The following SPIRE1 variants were observed in gnomAD, a reference collection of about 807,000 sequenced individuals.
SPIRE1 encodes protein spire homolog 1.
Under a neutral mutation model 94.1 loss-of-function variants are expected in SPIRE1, and 40 were observed. The ratio of observed to expected loss-of-function variants is 0.43; its 90% CI spans 0.33 to 0.55. The LOEUF (loss-of-function observed/expected upper bound fraction) is 0.55, where lower values mean the gene tolerates loss of function less well. Ranked by LOEUF, SPIRE1 falls within the 20% of genes least tolerant of loss-of-function variation. The pLI is 0.06. For missense variants in SPIRE1, 838 were observed against 975.2 expected (o/e 0.86, Z 1.87); for synonymous variants, 376 against 371.7 (o/e 1.01, Z -0.13).
intron 1 of SPIRE1, 89 bp from the exon 2 acceptor site, chr18:12,635,185 T>C (rs951236755): frequency 2.9e-6 from 2 of 694,910 alleles, no homozygotes; most frequent in African/African-American, 1.8e-5. Context: ...TGGCTATGGC[T>C]TTATTATGTC....
chr18:12,551,968 T>C (rs747883689), intron 2 of SPIRE1, among the ~76,000 whole-genome samples: 23 of 152,246 alleles, frequency 1.5e-4, no homozygotes, highest in Non-Finnish European at 2.8e-4. Flanking sequence ...AGAATCTGTG[T>C]GCTTGGGAAA....
At chr18:12,540,255 C>A (rs1461057013) in intron 3 of SPIRE1, among the ~76,000 whole-genome samples, 1 of 152,198 alleles carries the variant, frequency 6.6e-6, no homozygotes, top group East Asian at 1.9e-4. Flanking sequence ...AGACTTGTTT[C>A]TTTAAAACAC....
intron 1 of SPIRE1, among the ~76,000 whole-genome samples, chr18:12,641,945 C>A (rs1439740204): frequency 6.6e-6 from 1 of 151,150 alleles, no homozygotes; most frequent in East Asian, 1.9e-4. Context: ...AATTCTCCTG[C>A]CTCAGCCTCC....
chr18:12,539,258 T>C (rs745965837), intron 3 of SPIRE1, among the ~76,000 whole-genome samples: 5 of 152,118 alleles, frequency 3.3e-5, no homozygotes, highest in Non-Finnish European at 7.3e-5. Context: ...GGGCAGGTCT[T>C]CCCCTTGCTG....
chr18:12,521,376 G>C (rs1339090387), intron 4 of SPIRE1, among the ~76,000 whole-genome samples: 1 of 149,858 alleles, frequency 6.7e-6, no homozygotes, highest in Non-Finnish European at 1.5e-5. Flanking sequence ...TCTGTCGCCT[G>C]GGTGGGGTGC....
intron 2 of SPIRE1, among the ~76,000 whole-genome samples, chr18:12,628,016 T>C (rs1178581591): frequency 6.6e-6 from 1 of 152,224 alleles, no homozygotes; most frequent in African/African-American, 2.4e-5. Context: ...CTGTTCACTC[T>C]GAGGGTAGCT....
At chr18:12,471,103 TAAAA>T (rs138606031) in intron 10 of SPIRE1, among the ~76,000 whole-genome samples, 3 of 96,956 alleles carry the variant, frequency 3.1e-5, no homozygotes, top group Admixed American at 1.2e-4. Flanking sequence ...CATCTTTCAG[TAAAA>T]AAAAAAAAAA....
intron 3 of SPIRE1, among the ~76,000 whole-genome samples, chr18:12,540,876 G>C (rs2034994426): frequency 6.6e-6 from 1 of 152,190 alleles, no homozygotes; most frequent in Non-Finnish European, 1.5e-5. Flanking sequence ...GTGCTGAGTT[G>C]CATGGTGAAA....
chr18:12,645,528 A>G (rs2038200450), intron 1 of SPIRE1, among the ~76,000 whole-genome samples: 1 of 151,968 alleles, frequency 6.6e-6, no homozygotes, highest in African/African-American at 2.4e-5. Flanking sequence ...AATCACTCTC[A>G]ATCTGATTCT....
At chr18:12,520,223 C>A (rs904471369) in intron 4 of SPIRE1, among the ~76,000 whole-genome samples, 1 of 152,058 alleles carries the variant, frequency 6.6e-6, no homozygotes, top group Non-Finnish European at 1.5e-5. Context: ...TACATAAAAT[C>A]TCTCTGCAAA....
chr18:12,611,193 C>A (rs934312999), intron 2 of SPIRE1, among the ~76,000 whole-genome samples: 3 of 152,232 alleles, frequency 2.0e-5, no homozygotes, highest in African/African-American at 7.2e-5. Flanking sequence ...ATTTCCTGCT[C>A]TCTGGGTTAT....
chr18:12,510,069 A>G (rs555952997), intron 5 of SPIRE1, among the ~76,000 whole-genome samples: 2 of 151,316 alleles, frequency 1.3e-5, no homozygotes, highest in East Asian at 1.9e-4. Flanking sequence ...TGGGCGACAG[A>G]GCAAGACTCC....
In SPIRE1 at chr18:12,466,424, G is replaced by C. The variant is rs893596299; in HGVS notation, c.1405-1466C>G. Among the ~76,000 whole-genome samples, 14 of 152,120 alleles carry C rather than the reference G, an allele frequency of 9.2e-5. No homozygotes were observed. In the East Asian group the frequency reaches 2.7e-3, roughly 30 times the overall value. ...CCTGAGTAACTGGGATTACAGGTGA[G>C]TGCCACCACGCCCGGCTAATTTTTG... On this transcript the variant is annotated intron_variant, in intron 10 of 16. Transcript: ENST00000409402.
At chr18:12,661,326 A>G (rs929359945), upstream of SPIRE1, 9 of 980,602 alleles carry the variant, frequency 9.2e-6, no homozygotes, top group African/African-American at 1.6e-4. Context: ...AAGAAAAAAA[A>G]TTGATAAGCC....
chr18:12,549,043 T>A (rs1264544212), intron 2 of SPIRE1, among the ~76,000 whole-genome samples: 4 of 152,152 alleles, frequency 2.6e-5, no homozygotes, highest in Non-Finnish European at 4.4e-5. Flanking sequence ...CAGGAGAAGG[T>A]ACCATTTCAG....
chr18:12,583,754 A>C (rs1341810038), intron 2 of SPIRE1, among the ~76,000 whole-genome samples: 1 of 151,870 alleles, frequency 6.6e-6, no homozygotes, highest in Non-Finnish European at 1.5e-5. Context: ...GCAAAATCCC[A>C]CCTCTACAAA....
At chr18:12,555,535 G>A (rs1182747861) in intron 2 of SPIRE1, among the ~76,000 whole-genome samples, 1 of 151,960 alleles carries the variant, frequency 6.6e-6, no homozygotes, top group Non-Finnish European at 1.5e-5. Flanking sequence ...CAATCAATCT[G>A]ACACATCATA....
chr18:12,459,477 G>C (rs184607018), intron 12 of SPIRE1, among the ~76,000 whole-genome samples: 186 of 152,356 alleles, frequency 1.2e-3, no homozygotes, highest in Middle Eastern at 6.8e-3. Context: ...GAGAAAGGTG[G>C]CAGCACTGAC....
intron 10 of SPIRE1, among the ~76,000 whole-genome samples, chr18:12,466,654 A>T (rs1247446386): frequency 6.6e-6 from 1 of 152,158 alleles, no homozygotes. Flanking sequence ...GATAGTGAAA[A>T]TTTTTTGATG....
Sources: gnomAD v4.1 joint callset for allele counts (sites outside exome capture counted in the v4.1 genomes callset) on GRCh38, gnomAD v4.1.1 for gene constraint, MANE v1.5 for transcripts, NCBI Gene and HGNC (gene_info 2026-07-23, HGNC 2026-07-21) for gene names.